Variants in HMGXB3 observed in about 807,000 individuals in gnomAD.
HMGXB3 encodes HMG domain-containing protein 3.
Under a neutral mutation model 121.5 loss-of-function variants are expected in HMGXB3, and 45 were observed. That is an observed-to-expected ratio of 0.37 (90% CI 0.29 to 0.47). The LOEUF (loss-of-function observed/expected upper bound fraction) is 0.47. Ranked by LOEUF, HMGXB3 falls within the 20% of genes least tolerant of loss-of-function variation. The pLI is 0.99. For synonymous variants in HMGXB3, 590 were observed against 624.1 expected, an observed-to-expected ratio of 0.95 and a Z score of 0.81; for missense variants, 1,376 against 1,602.2, an observed-to-expected ratio of 0.86 and a Z score of 2.41.
intron 16 of HMGXB3, among the ~76,000 whole-genome samples, chr5:150,047,114 G>A (rs1169344374): frequency 6.6e-6 from 1 of 152,010 alleles, no homozygotes; most frequent in African/African-American, 2.4e-5. Context: ...GGCTGGTCTT[G>A]AACTTCTGAC....
chr5:150,040,185 A>AT (rs983317941), intron 13 of HMGXB3, among the ~76,000 whole-genome samples: 5 of 151,844 alleles, frequency 3.3e-5, no homozygotes, highest in African/African-American at 1.2e-4. Context: ...CTATTTCATT[A>AT]TTTTTTGTTT....
chr5:150,020,766 G>C lies in HMGXB3; in HGVS notation c.1041+2069G>C, dbSNP rs1380517271. On this transcript the variant is annotated intron_variant, in intron 6 of 19. Coordinates refer to ENST00000502717, the MANE Select transcript of HMGXB3 (RefSeq NM_014983.3). ...AACAGCTTTTTTTTTTTTTTTTGAA[G>C]ATAGAGTCTTGCTCTATTGTCCAGG... 6.5e-5 allele frequency among the ~76,000 whole-genome samples: 8 copies of C among 122,956 alleles called. No homozygotes were observed. The South Asian group carries it at 1.8e-3, about 28-fold the overall frequency. 80.7% of individuals were successfully genotyped at this position (122,956 alleles called of 152,430 possible). A position where few individuals can be genotyped will look rare whatever the true frequency, so the allele number is the denominator to read the frequency against.
chr5:150,012,524 G>A (rs1255939702), intron 5 of HMGXB3, among the ~76,000 whole-genome samples, 171 bp downstream of exon 5: 2 of 152,154 alleles, frequency 1.3e-5, no homozygotes, highest in Non-Finnish European at 2.9e-5. Context: ...GGGATTATGT[G>A]GTCCATATGT....
chr5:150,038,056 T>C (rs887764398), intron 13 of HMGXB3, among the ~76,000 whole-genome samples: 1 of 152,238 alleles, frequency 6.6e-6, no homozygotes, highest in African/African-American at 2.4e-5. Flanking sequence ...TGCTCCAGTT[T>C]ACACTTTTGT....
In HMGXB3 at chr5:150,051,982, C is replaced by G. The variant is rs1343512251; in HGVS notation, c.3669C>G (p.Asp1223Glu). 3 of 1,552,242 alleles carry G rather than the reference C, an allele frequency of 1.9e-6. No homozygotes were observed. Among genetic ancestry groups the G allele is most frequent in the Non-Finnish European group, 2.6e-6 (3 of 1,147,112 alleles). Residue 1223 changes from aspartate (D) to glutamate (E), a missense_variant, in exon 20 of 20, where the codon GAC becomes GAG. Asp to Glu is a conservative substitution (Grantham distance 45). Around this residue, in one of 2 missense-constraint regions of HMGXB3, gnomAD observed 260 missense variants for 233.2 expected, o/e 1.11. Coordinates refer to ENST00000502717, the MANE Select transcript of HMGXB3 (RefSeq NM_014983.3). ...NGVRQRPIAF[D>E]NATHYYLYNR... ...TCCGCCAGCGGCCCATTGCCTTCGACAATGCCACTCACTATTACCTCTACA... is the reference window on the plus strand; with the variant it reads ...TCCGCCAGCGGCCCATTGCCTTCGAGAATGCCACTCACTATTACCTCTACA...
intron 16 of HMGXB3, chr5:150,047,377 A>AT: frequency 4.2e-6 from 2 of 477,046 alleles, no homozygotes. Context: ...AAGCTGACTT[A>AT]TTTTAGGGTT....
chr5:150,004,200 A>G (rs550803131), intron 1 of HMGXB3, among the ~76,000 whole-genome samples: 26 of 152,134 alleles, frequency 1.7e-4, no homozygotes, highest in Admixed American at 1.1e-3. Flanking sequence ...AGTTGTGTCT[A>G]TTGTATCCTT....
intron 14 of HMGXB3, among the ~76,000 whole-genome samples, chr5:150,041,130 C>T (rs1028519348): frequency 6.6e-6 from 1 of 152,234 alleles, no homozygotes; most frequent in Non-Finnish European, 1.5e-5. Flanking sequence ...GAAGTACCTT[C>T]TTTGGTCATA....
intron 13 of HMGXB3, 58 bp downstream of exon 13, chr5:150,037,585 C>T (rs1756530356): frequency 2.1e-6 from 3 of 1,411,648 alleles, no homozygotes; most frequent in Non-Finnish European, 2.8e-6. Context: ...GGAACTGCCT[C>T]TATGGATGAG....
chr5:150,051,703 T>C, intron 19 of HMGXB3, 22 bp from the exon 20 acceptor site: 2 of 1,485,444 alleles, frequency 1.3e-6, no homozygotes, highest in African/African-American at 2.8e-5. Flanking sequence ...CTTATCAAAA[T>C]GCATTCTCAT....
intron 10 of HMGXB3, among the ~76,000 whole-genome samples, chr5:150,031,099 T>G (rs1319020227): frequency 6.6e-6 from 1 of 152,222 alleles, no homozygotes; most frequent in Non-Finnish European, 1.5e-5. Context: ...TATTGAGAGT[T>G]GCCAGAGATG....
chr5:150,050,047 C>G (rs143308299), intron 18 of HMGXB3, among the ~76,000 whole-genome samples: 1 of 152,292 alleles, frequency 6.6e-6, no homozygotes, highest in East Asian at 1.9e-4. Flanking sequence ...CCAGCTGTCT[C>G]TCAGAAGGGC....
chr5:150,048,921 G>A (rs917650983), intron 18 of HMGXB3, among the ~76,000 whole-genome samples: 4 of 152,146 alleles, frequency 2.6e-5, no homozygotes, highest in African/African-American at 9.7e-5. Flanking sequence ...GTATAAGGGC[G>A]AGCTTGTATA....
Position 150,012,351 on chromosome 5 carries a change from C to T in HMGXB3, c.907C>T (p.Leu303=), listed in dbSNP as rs1228822222. The change falls in exon 5 of 20, where the codon CTG becomes TTG. Residue 303 remains leucine, a splice_region_variant and synonymous_variant. Coordinates refer to ENST00000502717, the MANE Select transcript of HMGXB3 (RefSeq NM_014983.3). ...SVVENPTSIK[L]TTTYTRRGHG... is the part of the protein sequence containing the mutation. ...TGTGGAGAACCCCACCTCCATCAAA[C>T]TGGTCAGTACTGTATGTGGGGGATT... 6.5e-7 allele frequency: 1 copy of T among 1,546,210 alleles called. No homozygotes were observed. Among genetic ancestry groups the T allele is most frequent in the Admixed American group, 2.0e-5 (1 of 51,004 alleles).
intron 2 of HMGXB3, among the ~76,000 whole-genome samples, chr5:150,006,004 A>G (rs996608804): frequency 3.3e-5 from 5 of 152,202 alleles, no homozygotes; most frequent in African/African-American, 1.2e-4. Flanking sequence ...GGAAACAGCC[A>G]CTTGCTATCT....
At chr5:150,042,874 G>A (rs1298061191) in intron 15 of HMGXB3, among the ~76,000 whole-genome samples, 1 of 152,168 alleles carries the variant, frequency 6.6e-6, no homozygotes, top group Non-Finnish European at 1.5e-5. Flanking sequence ...TAACAAAAGT[G>A]GGCATGTTTC....
intron 5 of HMGXB3, among the ~76,000 whole-genome samples, chr5:150,014,132 C>CAAGT (rs1057120109): frequency 1.6e-4 from 25 of 152,240 alleles, no homozygotes; most frequent in African/African-American, 5.8e-4. Context: ...GAGCATGTCA[C>CAAGT]AAGTTCGCAA....
chr5:150,011,604 GTT>G (rs35010665), intron 4 of HMGXB3, among the ~76,000 whole-genome samples: 10 of 132,642 alleles, frequency 7.5e-5, no homozygotes, highest in South Asian at 2.4e-4. Flanking sequence ...TTTTTTTTTG[GTT>G]TTTTTTTTTT....
intron 6 of HMGXB3, among the ~76,000 whole-genome samples, chr5:150,022,559 T>G (rs1318728772): frequency 6.6e-6 from 1 of 152,186 alleles, no homozygotes; most frequent in Non-Finnish European, 1.5e-5. Flanking sequence ...TCAGATTGCT[T>G]AAATTACCCA....
Sources: gnomAD v4.1 joint callset for allele counts (sites outside exome capture counted in the v4.1 genomes callset) on GRCh38, gnomAD v4.1.1 for gene constraint, gnomAD v4.1.1 regional missense constraint, MANE v1.5 for transcripts, NCBI Gene and HGNC (gene_info 2026-07-23, HGNC 2026-07-21) for gene names.